ARHGAP40: variants seen among roughly 807,000 people sequenced by gnomAD.
ARHGAP40 encodes Rho GTPase activating protein 40, also known as rho GTPase-activating protein 40.
Under a neutral mutation model 73.5 loss-of-function variants are expected in ARHGAP40, and 43 were observed. The ratio of observed to expected loss-of-function variants is 0.58; its 90% CI spans 0.46 to 0.75. ARHGAP40 has a LOEUF of 0.75. ARHGAP40 is among the 30% of genes least tolerant of loss of function. The probability of loss-of-function intolerance (pLI) is 0.00; values close to 1 mark genes in which losing one functional copy is unlikely to be tolerated. For synonymous variants in ARHGAP40, 300 were observed against 352.8 expected (o/e 0.85, Z 1.68); for missense variants, 734 against 861.8 (o/e 0.85, Z 1.86).
intron 14 of ARHGAP40, among the ~76,000 whole-genome samples, chr20:38,649,240 A>C (rs1601154109): frequency 6.6e-6 from 1 of 152,216 alleles, no homozygotes; most frequent in East Asian, 1.9e-4. Flanking sequence ...GTTTCTGATG[A>C]GTTCCCAGGA....
At chr20:38,603,092 G>C (rs781608595) in intron 1 of ARHGAP40, among the ~76,000 whole-genome samples, 1 of 152,198 alleles carries the variant, frequency 6.6e-6, no homozygotes, top group Admixed American at 6.5e-5. Flanking sequence ...GAACACACCT[G>C]CAGCAGGAGA....
intron 1 of ARHGAP40, among the ~76,000 whole-genome samples, chr20:38,618,018 C>T (rs1204059253): frequency 6.6e-6 from 1 of 152,138 alleles, no homozygotes; most frequent in Admixed American, 6.5e-5. Flanking sequence ...GGTTTGGGGA[C>T]TCCCCAAGGT....
intron 1 of ARHGAP40, among the ~76,000 whole-genome samples, chr20:38,609,019 A>G (rs1218408055): frequency 6.6e-6 from 1 of 152,110 alleles, no homozygotes; most frequent in African/African-American, 2.4e-5. Context: ...TAGTGGTTTC[A>G]TTGGGCCCAC....
At chr20:38,611,262 G>A (rs1250814178) in intron 1 of ARHGAP40, among the ~76,000 whole-genome samples, 1 of 152,066 alleles carries the variant, frequency 6.6e-6, no homozygotes, top group Non-Finnish European at 1.5e-5. Flanking sequence ...GTATAATGAG[G>A]TGTGTCCAAC....
chr20:38,608,457 G>C (rs762590580), intron 1 of ARHGAP40, among the ~76,000 whole-genome samples: 1 of 152,098 alleles, frequency 6.6e-6, no homozygotes, highest in Non-Finnish European at 1.5e-5. Context: ...CTCGTTGGTC[G>C]GAAGGCAGCC....
chr20:38,606,385 A>G lies in ARHGAP40; in HGVS notation c.137+4306A>G, dbSNP rs185440274. ...AAAGGTGTATACATTTAAAATTCTG[A>G]AACATATTCTGGGTGGTTTTCCAGG... On this transcript the variant is annotated intron_variant, in intron 1 of 14. Transcript: ENST00000373345. Among the ~76,000 whole-genome samples the G allele has an allele frequency of 3.1e-3, 477 of 152,306 alleles. 2 individuals carry two copies. Among genetic ancestry groups the G allele is most frequent in the African/African-American group, 0.011 (437 of 41,538 alleles).
intron 8 of ARHGAP40, 34 bp from the exon 9 acceptor site, chr20:38,639,193 G>A: frequency 7.7e-7 from 1 of 1,302,918 alleles, no homozygotes. Context: ...AGAGCCCTGG[G>A]CCAACTGTGT....
intron 7 of ARHGAP40, among the ~76,000 whole-genome samples, chr20:38,638,454 T>C (rs1187288501): frequency 6.6e-6 from 1 of 152,212 alleles, no homozygotes; most frequent in Non-Finnish European, 1.5e-5. Flanking sequence ...TTTTCTTTTC[T>C]TTTTAACTTC....
chr20:38,619,771 C>G (rs1298620742), intron 1 of ARHGAP40, among the ~76,000 whole-genome samples: 1 of 151,236 alleles, frequency 6.6e-6, no homozygotes, highest in East Asian at 1.9e-4. Context: ...ACAATAGCAC[C>G]CCTACATGGC....
exon 5 of ARHGAP40, chr20:38,629,505 C>T (rs1306858873): frequency 1.5e-6 from 2 of 1,305,364 alleles, no homozygotes; most frequent in Non-Finnish European, 1.0e-6. Context: ...CCCGCAGCAG[C>T]AGAGCCTGGG....
intron 9 of ARHGAP40, among the ~76,000 whole-genome samples, 199 bp from the exon 10 acceptor site, chr20:38,641,527 G>A (rs534468932): frequency 6.6e-6 from 1 of 152,286 alleles, no homozygotes; most frequent in South Asian, 2.1e-4. Context: ...AAAGTATAGC[G>A]AGTGAACCTC....
chr20:38,629,158 G>C (rs780204657), intron 4 of ARHGAP40, among the ~76,000 whole-genome samples, 156 bp downstream of exon 4: 2 of 152,186 alleles, frequency 1.3e-5, no homozygotes, highest in African/African-American at 2.4e-5. Flanking sequence ...GAGCCCTGAG[G>C]GGACAGGTTG....
intron 7 of ARHGAP40, among the ~76,000 whole-genome samples, chr20:38,638,326 G>A (rs1201557859): frequency 1.3e-5 from 2 of 152,000 alleles, no homozygotes; most frequent in Admixed American, 6.6e-5. Flanking sequence ...AAATACATAA[G>A]TAAATAAATA....
At chr20:38,629,372 C>T (rs1181536593) in intron 4 of ARHGAP40, 130 bp from the exon 5 acceptor site, 2 of 961,384 alleles carry the variant, frequency 2.1e-6, no homozygotes, top group African/African-American at 3.4e-5. Flanking sequence ...ATGATTTGAT[C>T]CTGGGGCTTT....
Position 38,614,877 on chromosome 20 carries a change from A to T in ARHGAP40, c.138-8482A>T, listed in dbSNP as rs2088825615. 7 of 1,226,864 alleles carry T rather than the reference A, an allele frequency of 5.7e-6. No homozygotes were observed. The Admixed American group carries it at 1.0e-4, about 18-fold the overall frequency. The allele number at this position is 1,226,864 out of a possible 1,614,324, so 76.0% of individuals were successfully genotyped here. ...AGTACCTCATCACGTCCTGAGCGTC[A>T]CATCCCCCAGCAAGCTGCCTGCACC... On this transcript the variant is annotated intron_variant, in intron 1 of 14. Coordinates refer to ENST00000373345, the Ensembl canonical transcript of ARHGAP40.
chr20:38,619,282 C>T (rs2088861351), intron 1 of ARHGAP40, among the ~76,000 whole-genome samples: 1 of 151,954 alleles, frequency 6.6e-6, no homozygotes, highest in Admixed American at 6.6e-5. Flanking sequence ...CGGTGAAAGG[C>T]CAGTATTGTG....
chr20:38,625,390 G>T (rs983599454), intron 2 of ARHGAP40, among the ~76,000 whole-genome samples: 13 of 147,460 alleles, frequency 8.8e-5, no homozygotes, highest in African/African-American at 2.7e-4. Context: ...GCCAAGACTG[G>T]TTTTTTTTTT....
At chr20:38,634,189 A>G (rs1187619854) in intron 5 of ARHGAP40, among the ~76,000 whole-genome samples, 1 of 152,052 alleles carries the variant, frequency 6.6e-6, no homozygotes, top group East Asian at 1.9e-4. Context: ...CTGTCTCTAC[A>G]AAACATACAA....
intron 1 of ARHGAP40, 100 bp from the exon 2 acceptor site, chr20:38,623,259 A>G: frequency 1.0e-6 from 1 of 964,046 alleles, no homozygotes; most frequent in Non-Finnish European, 1.4e-6. Flanking sequence ...CTTAGCCCCC[A>G]GGGGCCCAGG....
Sources: gnomAD v4.1 joint callset for allele counts (sites outside exome capture counted in the v4.1 genomes callset) on GRCh38, gnomAD v4.1.1 for gene constraint, MANE v1.5 for transcripts, NCBI Gene and HGNC (gene_info 2026-07-23, HGNC 2026-07-21) for gene names.